The following RPS6KA5 variants were observed in gnomAD, a reference collection of about 807,000 sequenced individuals.
The protein encoded by RPS6KA5 is ribosomal protein S6 kinase A5, also known as ribosomal protein S6 kinase alpha-5.
In RPS6KA5, 27 loss-of-function variants were observed where a neutral mutation model predicts 85.5. The observed-to-expected ratio is 0.32, with a 90% CI of 0.23 to 0.44. The LOEUF (loss-of-function observed/expected upper bound fraction) is 0.44. Ranked by LOEUF, RPS6KA5 falls within the 20% of genes least tolerant of loss-of-function variation. RPS6KA5 has a pLI of 1.00. For missense variants in RPS6KA5, 811 were observed against 980.9 expected, an observed-to-expected ratio of 0.83 and a Z score of 2.31; for synonymous variants, 334 against 348.2, an observed-to-expected ratio of 0.96 and a Z score of 0.46.
intron 7 of RPS6KA5, among the ~76,000 whole-genome samples, chr14:90,907,448 G>A (rs866730463): frequency 3.9e-5 from 6 of 152,292 alleles, no homozygotes; most frequent in Non-Finnish European, 5.9e-5. Context: ...AATAAGACCT[G>A]TAGAGTGCTT....
intron 1 of RPS6KA5, among the ~76,000 whole-genome samples, chr14:91,047,235 GAAGA>G (rs1566905999): frequency 6.6e-6 from 1 of 152,164 alleles, no homozygotes. Flanking sequence ...AAGAAAATAA[GAAGA>G]AAGAACAAGG....
chr14:90,892,265 G>A (rs1008586304), intron 13 of RPS6KA5, among the ~76,000 whole-genome samples: 8 of 152,156 alleles, frequency 5.3e-5, no homozygotes, highest in Non-Finnish European at 1.0e-4. Flanking sequence ...GCCTCCCAAA[G>A]TGCTGGGATT....
At chr14:90,933,746 C>T (rs1460340535) in intron 5 of RPS6KA5, among the ~76,000 whole-genome samples, 1 of 152,200 alleles carries the variant, frequency 6.6e-6, no homozygotes, top group Non-Finnish European at 1.5e-5. Context: ...ATCTTCAATG[C>T]CCTGAGTAAT....
chr14:90,918,471 G>A (rs1341549718), intron 7 of RPS6KA5, among the ~76,000 whole-genome samples: 1 of 152,126 alleles, frequency 6.6e-6, no homozygotes, highest in Non-Finnish European at 1.5e-5. Flanking sequence ...CCAGTCTGTG[G>A]CTTGTCTTTT....
chr14:90,904,600 T>G (rs2035399407), intron 8 of RPS6KA5, among the ~76,000 whole-genome samples: 2 of 152,160 alleles, frequency 1.3e-5, no homozygotes, highest in African/African-American at 2.4e-5. Context: ...GTATATATAT[T>G]AAAATAAACT....
In RPS6KA5 at chr14:91,000,522, C is replaced by T. The variant is rs147657062; in HGVS notation, c.175+566G>A. Among the ~76,000 whole-genome samples, 20 of 152,240 alleles carry T rather than the reference C, an allele frequency of 1.3e-4. No individual in the cohort carries two copies. The East Asian group carries it at 3.3e-3, about 25-fold the overall frequency. Reference sequence around the variant, plus strand: ...TTTAAAATATTGTGTCCTGGCTGGGCGCAGTGGCTCATGCCTATAATCCCA... The same window carrying T: ...TTTAAAATATTGTGTCCTGGCTGGGTGCAGTGGCTCATGCCTATAATCCCA... On this transcript the variant is annotated intron_variant, in intron 2 of 16. Transcript: ENST00000614987.
At chr14:90,918,956 A>C (rs746871248) in intron 7 of RPS6KA5, among the ~76,000 whole-genome samples, 20 of 151,740 alleles carry the variant, frequency 1.3e-4, no homozygotes, top group Non-Finnish European at 2.2e-4. Flanking sequence ...AATGAATTTT[A>C]GACCCAGGTT....
chr14:90,982,845 G>C (rs1460732050), intron 2 of RPS6KA5, among the ~76,000 whole-genome samples: 1 of 152,172 alleles, frequency 6.6e-6, no homozygotes, highest in South Asian at 2.1e-4. Flanking sequence ...CAGGCGCGGT[G>C]GTTCACGCCT....
Position 90,867,272 on chromosome 14 carries a change from T to C in RPS6KA5, c.*4802A>G, listed in dbSNP as rs1178148874. The stretch of plus-strand genomic sequence containing the variant: ...GTTCTGTTTTCTTTTTCTTCTAATA[T>C]TAAGAAAATTTAAAACGTAAATGAA... On this transcript the variant is annotated 3_prime_UTR_variant, in exon 17 of 17. Coordinates refer to ENST00000614987, the MANE Select transcript of RPS6KA5 (RefSeq NM_004755.4). 6.6e-6 allele frequency: 1 copy of C among 152,106 alleles called. No homozygotes were observed. Among genetic ancestry groups the C allele is most frequent in the African/African-American group, 2.4e-5 (1 of 41,426 alleles). 9.4% of individuals were successfully genotyped at this position (152,106 alleles called of 1,614,324 possible).
At chr14:91,011,980 G>A (rs2041276399) in intron 1 of RPS6KA5, among the ~76,000 whole-genome samples, 1 of 152,158 alleles carries the variant, frequency 6.6e-6, no homozygotes, top group African/African-American at 2.4e-5. Flanking sequence ...ATCGTTTGTT[G>A]CAGCTAAACT....
Position 91,034,500 on chromosome 14 carries a change from G to A in RPS6KA5, c.103+25832C>T, listed in dbSNP as rs147086962. Among the ~76,000 whole-genome samples the A allele has an allele frequency of 4.9e-3, 740 of 151,994 alleles. 8 individuals are homozygous for A. Among genetic ancestry groups the A allele is most frequent in the African/African-American group, 0.017 (689 of 41,408 alleles). On this transcript the variant is annotated intron_variant, in intron 1 of 16. Coordinates refer to ENST00000614987, the MANE Select transcript of RPS6KA5 (RefSeq NM_004755.4). ...GCACCAATCAACACTCTGTAAAAAC[G>A]CACCAATCAGCGCTCTGTGTCTAGC...
chr14:90,889,298 A>G (rs1371064297), intron 14 of RPS6KA5, among the ~76,000 whole-genome samples: 1 of 100,834 alleles, frequency 9.9e-6, no homozygotes, highest in African/African-American at 3.1e-5. Context: ...TGTCTCCAAA[A>G]AAAAAAAAAA....
chr14:91,036,209 G>A (rs191902673), intron 1 of RPS6KA5, among the ~76,000 whole-genome samples: 482 of 152,306 alleles, frequency 3.2e-3, no homozygotes, highest in Non-Finnish European at 5.1e-3. Flanking sequence ...TAACCAACCT[G>A]TATGGACAGT....
intron 1 of RPS6KA5, among the ~76,000 whole-genome samples, chr14:91,044,279 A>AAG (rs1034001844): frequency 1.6e-4 from 2 of 12,218 alleles, no homozygotes; most frequent in African/African-American, 2.5e-4. Context: ...GAGAGAAAGA[A>AAG]AGAGAGAGAG....
intron 1 of RPS6KA5, among the ~76,000 whole-genome samples, chr14:91,005,825 T>C (rs2040994116): frequency 6.6e-6 from 1 of 152,176 alleles, no homozygotes; most frequent in South Asian, 2.1e-4. Flanking sequence ...ATTTACACAT[T>C]TATTTCACCC....
intron 6 of RPS6KA5, among the ~76,000 whole-genome samples, chr14:90,922,445 ATAAG>A (rs1177185763): frequency 1.3e-5 from 2 of 152,094 alleles, no homozygotes; most frequent in African/African-American, 2.4e-5. Flanking sequence ...TCATGCAAAA[ATAAG>A]TAAGTAATTT....
chr14:90,900,384 T>G (rs2035098997), intron 10 of RPS6KA5, 143 bp from the exon 11 acceptor site: 2 of 648,466 alleles, frequency 3.1e-6, no homozygotes, highest in South Asian at 8.4e-5. Context: ...TCTTTATAGG[T>G]AACTTCTATT....
intron 3 of RPS6KA5, among the ~76,000 whole-genome samples, chr14:90,952,700 G>A (rs772200507): frequency 1.3e-5 from 2 of 152,244 alleles, no homozygotes; most frequent in Non-Finnish European, 1.5e-5. Flanking sequence ...AATGCAGTGC[G>A]ATTGGAATAC....
rs1253131897 is a variant in RPS6KA5 at position 90,906,316 on chromosome 14, C to T, written c.807-17G>A. On this transcript the variant is annotated splice_polypyrimidine_tract_variant and intron_variant, in intron 7 of 16. Transcript: ENST00000614987. Reference sequence around the variant, plus strand: ...AATATTCTCCTGTAGGCAGACAAAACTTGCTGTTAAAACAAACAGGATGAC... The same window carrying T: ...AATATTCTCCTGTAGGCAGACAAAATTTGCTGTTAAAACAAACAGGATGAC... 11 of 1,529,344 alleles carry T rather than the reference C, an allele frequency of 7.2e-6. No homozygotes were observed. Among genetic ancestry groups the T allele is most frequent in the Non-Finnish European group, 8.8e-7 (1 of 1,131,196 alleles). The allele number at this position is 1,529,344 out of a possible 1,614,324, so 94.7% of individuals were successfully genotyped here. A position where few individuals can be genotyped will look rare whatever the true frequency, so the allele number is the denominator to read the frequency against.
Sources: allele counts gnomAD v4.1 joint callset (sites outside exome capture counted in the v4.1 genomes callset), GRCh38; gene constraint gnomAD v4.1.1; transcripts MANE v1.5; gene names NCBI Gene and HGNC (gene_info 2026-07-23, HGNC 2026-07-21).